The following LARP1B variants were observed in gnomAD, a reference collection of about 807,000 sequenced individuals.
LARP1B encodes la-related protein 1B.
In LARP1B, 76 loss-of-function variants were observed where a neutral mutation model predicts 114.2. That is an observed-to-expected ratio of 0.67 (90% CI 0.55 to 0.81). The LOEUF (loss-of-function observed/expected upper bound fraction) is 0.81, where lower values mean the gene tolerates loss of function less well. LARP1B is among the 30% of genes least tolerant of loss of function. The pLI, the probability that LARP1B is intolerant of heterozygous loss-of-function variation, is 0.00. For synonymous variants in LARP1B, 345 were observed against 348.0 expected (o/e 0.99, Z 0.10); for missense variants, 1,014 against 1,075.8 (o/e 0.94, Z 0.80).
At chr4:128,108,120 CTA>C in intron 9 of LARP1B, 1 of 1,332,420 alleles carries the variant, frequency 7.5e-7, no homozygotes, top group Non-Finnish European at 9.6e-7. Context: ...CAGAGGACTG[CTA>C]CTCTTTTTAT....
intron 11 of LARP1B, among the ~76,000 whole-genome samples, chr4:128,159,265 C>T (rs1235831489): frequency 2.0e-5 from 3 of 151,748 alleles, no homozygotes; most frequent in African/African-American, 7.3e-5. Context: ...TAGTTTTGTG[C>T]CATTTTATCA....
intron 3 of LARP1B, 23 bp downstream of exon 3, chr4:128,075,016 T>C: frequency 6.5e-7 from 1 of 1,534,806 alleles, no homozygotes; most frequent in Non-Finnish European, 8.9e-7. Flanking sequence ...TTAAAGTTTT[T>C]TTTTTTAAAG....
intron 1 of LARP1B, among the ~76,000 whole-genome samples, chr4:128,068,618 C>T (rs534772408): frequency 2.0e-5 from 3 of 151,918 alleles, no homozygotes; most frequent in African/African-American, 7.3e-5. Context: ...CTATATTGCC[C>T]AGGCCCAGTC....
chr4:128,142,577 C>G lies in LARP1B; in HGVS notation c.1525-19617C>G, dbSNP rs564690198. On this transcript the variant is annotated intron_variant, in intron 11 of 19. Coordinates refer to ENST00000326639, the MANE Select transcript of LARP1B (RefSeq NM_018078.4). ...AGGCTGGAGTTCAATGGCGCGATCT[C>G]TGCTCACTGCAGCCTCTGCCTCCCG... Among the ~76,000 whole-genome samples, 5 of 150,792 alleles carry G rather than the reference C, an allele frequency of 3.3e-5. No individual in the cohort carries two copies. In the South Asian group the frequency reaches 1.1e-3, roughly 32 times the overall value.
chr4:128,199,436 C>T lies in LARP1B; in HGVS notation c.2004-3C>T, dbSNP rs1431398746. The T allele has an allele frequency of 2.7e-6, 4 of 1,497,336 alleles. No homozygotes were observed. The highest frequency in any genetic ancestry group is 2.8e-5 in the African/African-American group (2 of 71,298). The allele number at this position is 1,497,336 out of a possible 1,614,324, so 92.8% of individuals were successfully genotyped here. On this transcript the variant is annotated splice_region_variant and splice_polypyrimidine_tract_variant and intron_variant, in intron 15 of 19. Transcript: ENST00000326639. Reference sequence around the variant, plus strand: ...GAAGGCTTTTTTCCCCTTTCTCAAACAGCACTTCAAATGCTTCACCTTCAG... The same window carrying T: ...GAAGGCTTTTTTCCCCTTTCTCAAATAGCACTTCAAATGCTTCACCTTCAG...
chr4:128,095,654 T>C (rs1777652171), intron 7 of LARP1B, among the ~76,000 whole-genome samples: 1 of 152,182 alleles, frequency 6.6e-6, no homozygotes, highest in East Asian at 1.9e-4. Context: ...TAAGTTGATT[T>C]ATTTTCTTCC....
chr4:128,143,819 A>G (rs1167098505), intron 11 of LARP1B, among the ~76,000 whole-genome samples: 2 of 36,616 alleles, frequency 5.5e-5, no homozygotes, highest in Non-Finnish European at 1.6e-4. Context: ...GTGTGTGTGT[A>G]TCTATATTAA....
intron 1 of LARP1B, among the ~76,000 whole-genome samples, chr4:128,065,577 C>T (rs145241886): frequency 1.3e-5 from 2 of 151,762 alleles, no homozygotes; most frequent in African/African-American, 4.8e-5. Flanking sequence ...ACTTAGGTAA[C>T]TTAGATAAAA....
intron 11 of LARP1B, among the ~76,000 whole-genome samples, chr4:128,140,305 CTA>C (rs1727443835): frequency 6.6e-6 from 1 of 152,048 alleles, no homozygotes; most frequent in African/African-American, 2.4e-5. Context: ...CAGTAGCTGA[CTA>C]TGTCATCATT....
chr4:128,167,023 TAC>T (rs1741355794), intron 12 of LARP1B, among the ~76,000 whole-genome samples: 4 of 144,280 alleles, frequency 2.8e-5, no homozygotes, highest in Admixed American at 2.1e-4. Flanking sequence ...CATATATACA[TAC>T]ACACGTGTGT....
chr4:128,186,932 TA>T, intron 15 of LARP1B, among the ~76,000 whole-genome samples: 1 of 152,280 alleles, frequency 6.6e-6, no homozygotes, highest in East Asian at 1.9e-4. Flanking sequence ...GTGCAAACCA[TA>T]AACCTTGGCA....
chr4:128,191,996 G>A (rs866429092), intron 15 of LARP1B, among the ~76,000 whole-genome samples: 39 of 152,140 alleles, frequency 2.6e-4, no homozygotes, highest in African/African-American at 8.9e-4. Flanking sequence ...TCAGTTCTCT[G>A]TGGCTCACGG....
chr4:128,099,159 G>GA (rs199577286), intron 8 of LARP1B, among the ~76,000 whole-genome samples: 1,849 of 147,218 alleles, frequency 0.013, 87 homozygotes, highest in East Asian at 0.1. Context: ...GCACTTTGGG[G>GA]AAAAAAAAAA....
chr4:128,192,061 C>T (rs954852027), intron 15 of LARP1B, among the ~76,000 whole-genome samples: 1 of 152,110 alleles, frequency 6.6e-6, no homozygotes, highest in Non-Finnish European at 1.5e-5. Flanking sequence ...AAGCTTTGTG[C>T]TAGATATTTG....
chr4:128,098,649 G>A (rs565338185), intron 8 of LARP1B, among the ~76,000 whole-genome samples: 3 of 147,604 alleles, frequency 2.0e-5, no homozygotes, highest in African/African-American at 2.5e-5. Context: ...AGGGCTGGGC[G>A]TGGCGGCTCG....
chr4:128,148,691 G>A (rs1731354623), intron 11 of LARP1B, among the ~76,000 whole-genome samples: 1 of 151,832 alleles, frequency 6.6e-6, no homozygotes, highest in Admixed American at 6.6e-5. Flanking sequence ...GCACAGTGGC[G>A]GGGTCTTGGC....
At chr4:128,062,040 C>G (rs2149236026) in intron 1 of LARP1B, 4 of 985,284 alleles carry the variant, frequency 4.1e-6, no homozygotes, top group African/African-American at 1.7e-5. Context: ...CCGTTGCCGC[C>G]GTTGCTGCGG....
chr4:128,076,436 C>T (rs984189195), intron 3 of LARP1B, among the ~76,000 whole-genome samples: 1 of 152,000 alleles, frequency 6.6e-6, no homozygotes, highest in Non-Finnish European at 1.5e-5. Context: ...TTGAGATTTA[C>T]TTGTGTGTCA....
At chr4:128,190,258 C>CT in intron 15 of LARP1B, among the ~76,000 whole-genome samples, 1 of 152,090 alleles carries the variant, frequency 6.6e-6, no homozygotes, top group Non-Finnish European at 1.5e-5. Context: ...GAATGTGTCA[C>CT]TTAACTCCCT....
Sources: allele counts gnomAD v4.1 joint callset (sites outside exome capture counted in the v4.1 genomes callset), GRCh38; gene constraint gnomAD v4.1.1; transcripts MANE v1.5; gene names NCBI Gene and HGNC (gene_info 2026-07-23, HGNC 2026-07-21).